FAAH2: variants seen among roughly 807,000 people sequenced by gnomAD.
The protein encoded by FAAH2 is fatty-acid amide hydrolase 2.
In FAAH2, 60 loss-of-function variants were observed where a neutral mutation model predicts 36.9. The ratio of observed to expected loss-of-function variants is 1.63; its 90% CI spans 1.32 to 2.02. The LOEUF (loss-of-function observed/expected upper bound fraction) is 2.02. Ranked by LOEUF, FAAH2 falls within the 30% of genes most tolerant of loss-of-function variation. The pLI, the probability that FAAH2 is intolerant of heterozygous loss-of-function variation, is 0.00. For synonymous variants in FAAH2, 214 were observed against 143.8 expected, an observed-to-expected ratio of 1.49 and a Z score of -3.49; for missense variants, 689 against 397.5, an observed-to-expected ratio of 1.73 and a Z score of -6.23.
At chrX:57,169,226 G>T in the FAAH2 span, among the ~76,000 whole-genome samples, 1 of 107,280 alleles carries the variant, frequency 9.3e-6, no homozygotes, top group Non-Finnish European at 1.9e-5. Context: ...ATCCTTAAAG[G>T]CCCTATCTCC....
chrX:57,370,159 G>A (rs764013424), intron 5 of FAAH2, among the ~76,000 whole-genome samples: 24 of 111,261 alleles, frequency 2.2e-4, no homozygotes, highest in Non-Finnish European at 4.3e-4. Flanking sequence ...AAGGAACAAA[G>A]GATACAAAAT....
the FAAH2 span, among the ~76,000 whole-genome samples, chrX:57,165,710 A>G: frequency 9.0e-5 from 10 of 110,831 alleles, no homozygotes; most frequent in South Asian, 3.9e-4. Context: ...ATATATAAAT[A>G]AAAAAAGAAA....
chrX:57,139,196 T>A, the FAAH2 span, among the ~76,000 whole-genome samples: 1 of 112,202 alleles, frequency 8.9e-6, no homozygotes, highest in Non-Finnish European at 1.9e-5. Flanking sequence ...GGTCTTAGAT[T>A]TATGTCTTTA....
intron 8 of FAAH2, among the ~76,000 whole-genome samples, chrX:57,444,544 C>A (rs1042900579): frequency 2.7e-5 from 3 of 111,600 alleles, no homozygotes; most frequent in Non-Finnish European, 5.6e-5. Context: ...ATTCTCCGAC[C>A]CCTTGTGCTT....
At chrX:57,421,277 C>T (rs1214843920) in intron 7 of FAAH2, among the ~76,000 whole-genome samples, 4 of 111,653 alleles carry the variant, frequency 3.6e-5, no homozygotes, top group Non-Finnish European at 5.6e-5. Context: ...TACCCCGTCT[C>T]TTCTAAAAAT....
intron 5 of FAAH2, among the ~76,000 whole-genome samples, chrX:57,352,012 G>GTT (rs1337385167): frequency 2.1e-4 from 4 of 18,826 alleles, no homozygotes; most frequent in Non-Finnish European, 1.1e-3. Context: ...GCAAATATAT[G>GTT]TGTGTGTGTA....
chrX:57,343,968 T>C (rs906536581), intron 5 of FAAH2, among the ~76,000 whole-genome samples: 33 of 111,301 alleles, frequency 3.0e-4, no homozygotes, highest in Admixed American at 2.2e-3. Context: ...CATTGGTCTA[T>C]ATATCTGTTT....
the FAAH2 span, among the ~76,000 whole-genome samples, chrX:57,177,810 A>T: frequency 9.2e-6 from 1 of 108,612 alleles, no homozygotes; most frequent in African/African-American, 3.4e-5. Context: ...AAAGCTGCAG[A>T]CTTTTCCCAC....
the FAAH2 span, among the ~76,000 whole-genome samples, chrX:57,224,548 C>T: frequency 9.0e-6 from 1 of 111,280 alleles, no homozygotes; most frequent in African/African-American, 3.3e-5. Context: ...CAGTGTGCAC[C>T]AGCAGCGTGC....
chrX:57,210,257 G>T, the FAAH2 span, among the ~76,000 whole-genome samples: 12 of 111,271 alleles, frequency 1.1e-4, no homozygotes, highest in Non-Finnish European at 1.9e-4. Context: ...TCTGCCCCAA[G>T]TCCCAACTCA....
intron 10 of FAAH2, among the ~76,000 whole-genome samples, chrX:57,480,904 G>C (rs1247156537): frequency 9.1e-6 from 1 of 109,673 alleles, no homozygotes; most frequent in Non-Finnish European, 1.9e-5. Flanking sequence ...TTTTCACATA[G>C]TCCCATATTT....
At chrX:57,431,315 C>T (rs1282947827) in intron 7 of FAAH2, among the ~76,000 whole-genome samples, 1 of 111,712 alleles carries the variant, frequency 9.0e-6, no homozygotes, top group East Asian at 2.8e-4. Context: ...TCTGCTTCTT[C>T]TCAGAGCTTA....
At chrX:57,181,744 G>A in the FAAH2 span, among the ~76,000 whole-genome samples, 5 of 111,331 alleles carry the variant, frequency 4.5e-5, no homozygotes, top group Non-Finnish European at 9.4e-5. Flanking sequence ...AATTTATATG[G>A]AACCATAAAA....
intron 5 of FAAH2, among the ~76,000 whole-genome samples, chrX:57,347,076 T>C (rs1299124343): frequency 9.0e-6 from 1 of 110,928 alleles, no homozygotes; most frequent in Non-Finnish European, 1.9e-5. Flanking sequence ...CTAGCTGGAG[T>C]TCTCTGTATT....
At chrX:57,164,042 C>T in the FAAH2 span, among the ~76,000 whole-genome samples, 1 of 112,137 alleles carries the variant, frequency 8.9e-6, no homozygotes, top group Non-Finnish European at 1.9e-5. Context: ...ACGGTAATGG[C>T]AAGATGTGAT....
At chrX:57,167,023 T>C in the FAAH2 span, among the ~76,000 whole-genome samples, 3 of 111,455 alleles carry the variant, frequency 2.7e-5, no homozygotes, top group African/African-American at 9.8e-5. Context: ...ATCCAAGTAG[T>C]TTTTATTTAC....
At chrX:57,229,552 A>T in the FAAH2 span, 1 of 111,916 alleles carries the variant, frequency 8.9e-6, no homozygotes, top group Non-Finnish European at 1.9e-5. Context: ...TGGAAAGGGT[A>T]GCAATGAAGG....
chrX:57,323,485 T>C (rs971704929), intron 3 of FAAH2, among the ~76,000 whole-genome samples: 2 of 111,556 alleles, frequency 1.8e-5, no homozygotes, highest in East Asian at 5.6e-4. Context: ...CCACATCCTC[T>C]CCAGCACCTG....
At chrX:57,238,018 G>T in the FAAH2 span, among the ~76,000 whole-genome samples, 1 of 111,583 alleles carries the variant, frequency 9.0e-6, no homozygotes, top group South Asian at 3.7e-4. Context: ...CAAGGTTTTG[G>T]AGAAAAAGGA....
Sources: allele counts gnomAD v4.1 joint callset (sites outside exome capture counted in the v4.1 genomes callset), GRCh38; gene constraint gnomAD v4.1.1; transcripts MANE v1.5; gene names NCBI Gene and HGNC (gene_info 2026-07-23, HGNC 2026-07-21).